Variants in MAP4K4 observed in about 807,000 individuals in gnomAD.
MAP4K4 encodes the protein mitogen-activated protein kinase kinase kinase kinase 4, also known as HPK/GCK-like kinase HGK.
MAP4K4 carries 38 observed loss-of-function variants against 189.6 expected under a neutral mutation model. The observed-to-expected ratio is 0.20, with a 90% CI of 0.15 to 0.26. MAP4K4 has a LOEUF of 0.26. MAP4K4 is among the 10% of genes least tolerant of loss of function. MAP4K4 has a pLI of 1.00. For synonymous variants in MAP4K4, 610 were observed against 624.3 expected, an observed-to-expected ratio of 0.98 and a Z score of 0.34; for missense variants, 1,054 against 1,726.9, an observed-to-expected ratio of 0.61 and a Z score of 6.91.
chr2:101,707,409 A>C (rs958230933), intron 2 of MAP4K4, among the ~76,000 whole-genome samples: 2 of 151,816 alleles, frequency 1.3e-5, no homozygotes, highest in Non-Finnish European at 2.9e-5. Context: ...GGGTTTGACT[A>C]TGTTGGCCAG....
intron 18 of MAP4K4, among the ~76,000 whole-genome samples, chr2:101,865,584 G>A (rs938454579): frequency 1.3e-5 from 2 of 152,142 alleles, no homozygotes; most frequent in African/African-American, 4.8e-5. Context: ...TCATTCCTTA[G>A]TGCACTGGGT....
chr2:101,706,547 A>G (rs963183122), intron 2 of MAP4K4, among the ~76,000 whole-genome samples: 5 of 152,240 alleles, frequency 3.3e-5, no homozygotes, highest in Non-Finnish European at 7.3e-5. Context: ...CCTAAAAGGT[A>G]TAACAAATGC....
intron 3 of MAP4K4, among the ~76,000 whole-genome samples, chr2:101,792,218 T>C (rs1164649780): frequency 6.6e-6 from 1 of 152,184 alleles, no homozygotes; most frequent in African/African-American, 2.4e-5. Context: ...CGGTGCTGTG[T>C]TGGGAGTGGT....
At chr2:101,758,117 T>C (rs921892114) in intron 2 of MAP4K4, among the ~76,000 whole-genome samples, 3 of 152,206 alleles carry the variant, frequency 2.0e-5, no homozygotes, top group African/African-American at 7.2e-5. Context: ...TATAATACTT[T>C]TAGACTGTGG....
chr2:101,797,889 G>GTGTTTTTTTGTTTTTTTTTTTTT (rs1553478618), intron 3 of MAP4K4, among the ~76,000 whole-genome samples: 1 of 52,304 alleles, frequency 1.9e-5, no homozygotes, highest in African/African-American at 7.6e-5. Context: ...CATTCTTTTA[G>GTGTTTTTTTGTTTTTTTTTTTTT]TTTTTTTTTT....
At chr2:101,783,159 T>G (rs2088629433) in intron 2 of MAP4K4, among the ~76,000 whole-genome samples, 1 of 152,112 alleles carries the variant, frequency 6.6e-6, no homozygotes, top group South Asian at 2.1e-4. Context: ...AGCTACTAGT[T>G]GAGTGTCCTT....
chr2:101,836,824 G>A (rs911300930), intron 9 of MAP4K4, among the ~76,000 whole-genome samples: 4 of 152,096 alleles, frequency 2.6e-5, no homozygotes, highest in Non-Finnish European at 4.4e-5. Context: ...ACTGATACCC[G>A]CAGAGAGAGA....
chr2:101,867,821 C>T, intron 20 of MAP4K4: 1 of 542,966 alleles, frequency 1.8e-6, no homozygotes, highest in South Asian at 2.8e-5. Flanking sequence ...GACTGCTTCT[C>T]ACCCTTCTCT....
chr2:101,755,556 T>G (rs1195395614), intron 2 of MAP4K4, among the ~76,000 whole-genome samples: 1 of 152,196 alleles, frequency 6.6e-6, no homozygotes, highest in Non-Finnish European at 1.5e-5. Context: ...GTCTGACAGA[T>G]GAAAAGTTTT....
intron 2 of MAP4K4, 53 bp downstream of exon 2, chr2:101,698,591 G>A (rs537776902): frequency 1.4e-5 from 22 of 1,551,452 alleles, no homozygotes; most frequent in Non-Finnish European, 2.0e-5. Context: ...CTTCTTATTG[G>A]GGGACGAGGA....
intron 20 of MAP4K4, 46 bp from the exon 21 acceptor site, chr2:101,867,983 A>G (rs371564988): frequency 1.9e-6 from 3 of 1,610,188 alleles, no homozygotes; most frequent in East Asian, 4.5e-5. Context: ...TGCATTCCTC[A>G]TCAACGATGG....
chr2:101,851,248 T>A (rs1183210177), intron 12 of MAP4K4, among the ~76,000 whole-genome samples: 3 of 152,218 alleles, frequency 2.0e-5, no homozygotes, highest in East Asian at 1.9e-4. Flanking sequence ...CGTTAGGACA[T>A]CACACAGTTT....
intron 2 of MAP4K4, among the ~76,000 whole-genome samples, chr2:101,729,556 A>T (rs1368642080): frequency 6.6e-6 from 1 of 152,240 alleles, no homozygotes; most frequent in Admixed American, 6.5e-5. Context: ...AAAGTGAAGA[A>T]TGGTTTTAAA....
chr2:101,820,580 T>G (rs902270624), intron 3 of MAP4K4, among the ~76,000 whole-genome samples: 7 of 152,052 alleles, frequency 4.6e-5, no homozygotes, highest in Non-Finnish European at 1.0e-4. Flanking sequence ...GTTTGGCTTT[T>G]TAGAGCACAT....
chr2:101,834,573 C>A, intron 8 of MAP4K4, 110 bp downstream of exon 8: 1 of 811,872 alleles, frequency 1.2e-6, no homozygotes, highest in Non-Finnish European at 2.0e-6. Context: ...TTCTGGTGGA[C>A]TGTTTAGATG....
intron 2 of MAP4K4, among the ~76,000 whole-genome samples, chr2:101,782,422 G>A (rs2088119088): frequency 6.6e-6 from 1 of 152,160 alleles, no homozygotes. Context: ...AGGTCTTTAG[G>A]GAATGGAAGC....
chr2:101,844,895 A>G (rs1309030828), intron 12 of MAP4K4, among the ~76,000 whole-genome samples: 2 of 152,112 alleles, frequency 1.3e-5, no homozygotes, highest in African/African-American at 4.8e-5. Context: ...TATGTAACAA[A>G]CCACGTTCTG....
chr2:101,818,460 T>C (rs1041686891), intron 3 of MAP4K4, among the ~76,000 whole-genome samples: 1 of 152,178 alleles, frequency 6.6e-6, no homozygotes, highest in Non-Finnish European at 1.5e-5. Context: ...TGGCAAATGC[T>C]CAGAACATTT....
intron 2 of MAP4K4, among the ~76,000 whole-genome samples, chr2:101,729,357 C>G (rs1289258913): frequency 3.9e-5 from 6 of 152,152 alleles, no homozygotes; most frequent in Non-Finnish European, 8.8e-5. Context: ...TCAAGACTAG[C>G]ATCTTTTAAT....
Sources: gnomAD v4.1 joint callset for allele counts (sites outside exome capture counted in the v4.1 genomes callset) on GRCh38, gnomAD v4.1.1 for gene constraint, MANE v1.5 for transcripts, NCBI Gene and HGNC (gene_info 2026-07-23, HGNC 2026-07-21) for gene names.